Variants in HADHB observed in about 807,000 individuals in gnomAD.
The protein encoded by HADHB is hydroxyacyl-CoA dehydrogenase trifunctional multienzyme complex subunit beta, also known as trifunctional enzyme subunit beta, mitochondrial.
HADHB carries 50 observed loss-of-function variants against 61.9 expected under a neutral mutation model. The observed-to-expected ratio is 0.81, with a 90% CI of 0.64 to 1.02. The LOEUF is 1.02. Among genes scored for constraint, HADHB ranks in the 50% least tolerant of loss-of-function variants. The pLI is 0.00. For missense variants in HADHB, 504 were observed against 586.5 expected, an observed-to-expected ratio of 0.86 and a Z score of 1.45; for synonymous variants, 191 against 201.6, an observed-to-expected ratio of 0.95 and a Z score of 0.45.
intron 15 of HADHB, among the ~76,000 whole-genome samples, 168 bp downstream of exon 15, chr2:26,285,739 G>GTTTTTTTTTTTTTTTTTTTTTTTTTTGT (rs766742523): frequency 1.5e-5 from 1 of 65,082 alleles, no homozygotes. Flanking sequence ...TGTTTTTTGG[G>GTTTTTTTTTTTTTTTTTTTTTTTTTTGT]TTTTTTTTTT....
chr2:26,285,938 A>G (rs1673017708), intron 15 of HADHB, among the ~76,000 whole-genome samples: 1 of 151,592 alleles, frequency 6.6e-6, no homozygotes, highest in Non-Finnish European at 1.5e-5. Flanking sequence ...GAGTTTCGCC[A>G]TGTTGGCCAG....
intron 8 of HADHB, 32 bp downstream of exon 8, chr2:26,278,833 C>T: frequency 6.4e-7 from 1 of 1,569,594 alleles, no homozygotes; most frequent in Non-Finnish European, 8.8e-7. Flanking sequence ...CATCCCACTG[C>T]AGAGATTTAG....
At chr2:26,259,909 T>C in intron 3 of HADHB, among the ~76,000 whole-genome samples, 1 of 152,128 alleles carries the variant, frequency 6.6e-6, no homozygotes, top group Non-Finnish European at 1.5e-5. Context: ...GCAAGGAGGC[T>C]GACCTGAGCA....
At chr2:26,283,428 G>T (rs1574667878) in intron 12 of HADHB, among the ~76,000 whole-genome samples, 1 of 152,184 alleles carries the variant, frequency 6.6e-6, no homozygotes, top group Non-Finnish European at 1.5e-5. Context: ...GGAGGTTTTG[G>T]CAAGAGAATG....
chr2:26,276,354 T>C (rs1037516175), intron 6 of HADHB, among the ~76,000 whole-genome samples: 2 of 152,238 alleles, frequency 1.3e-5, no homozygotes, highest in African/African-American at 4.8e-5. Flanking sequence ...CTGACCCTTA[T>C]TTGTTCACAG....
intron 6 of HADHB, 77 bp downstream of exon 6, chr2:26,273,827 T>C: frequency 1.3e-6 from 1 of 799,280 alleles, no homozygotes; most frequent in East Asian, 2.6e-5. Context: ...GAAGTTACTT[T>C]ACAAAAGCCT....
intron 15 of HADHB, among the ~76,000 whole-genome samples, chr2:26,288,694 G>C (rs931244262): frequency 6.6e-6 from 1 of 151,566 alleles, no homozygotes; most frequent in Non-Finnish European, 1.5e-5. Flanking sequence ...GGGTGACAGA[G>C]GGAGGCCCTG....
At chr2:26,265,528 G>C (rs778657466) in intron 4 of HADHB, among the ~76,000 whole-genome samples, 1 of 152,070 alleles carries the variant, frequency 6.6e-6, no homozygotes, top group African/African-American at 2.4e-5. Context: ...CCTGGGAGGT[G>C]GAGGTTGTGA....
intron 15 of HADHB, among the ~76,000 whole-genome samples, chr2:26,288,373 C>T (rs191540353): frequency 4.6e-5 from 7 of 152,186 alleles, no homozygotes; most frequent in Admixed American, 3.9e-4. Flanking sequence ...TCAGTCAAAC[C>T]TTCCTATCCC....
At chr2:26,249,150 T>G (rs1290317943) in intron 1 of HADHB, among the ~76,000 whole-genome samples, 1 of 152,212 alleles carries the variant, frequency 6.6e-6, no homozygotes, top group African/African-American at 2.4e-5. Context: ...GTGAATGGCT[T>G]GTTTTCTCAT....
In HADHB at chr2:26,283,023, C is replaced by T. The variant is rs1345919957; in HGVS notation, c.1033C>T (p.Gln345Ter). 3.1e-6 allele frequency: 5 copies of T among 1,609,356 alleles called. No homozygotes were observed. The highest frequency in any genetic ancestry group is 2.6e-6 in the Non-Finnish European group (3 of 1,175,788). ...AYLRDFMYVS[Q>*]DPKDQLLLGP... ...ACCTAGGGATTTTATGTATGTGTCT[C>T]AGGATCCAAAAGATCAACTATTACT... The change falls in exon 12 of 16, where the codon CAG becomes TAG. Residue 345 changes from glutamine to a stop codon, truncating the protein, a stop_gained. Transcript: ENST00000317799. LOFTEE classifies it high-confidence loss of function.
intron 4 of HADHB, among the ~76,000 whole-genome samples, chr2:26,267,902 G>A (rs1672163822): frequency 6.6e-6 from 1 of 152,150 alleles, no homozygotes; most frequent in South Asian, 2.1e-4. Context: ...CACTTTGGGA[G>A]GCTGAGGTAG....
At chr2:26,286,664 G>C (rs941612207) in intron 15 of HADHB, among the ~76,000 whole-genome samples, 2 of 151,638 alleles carry the variant, frequency 1.3e-5, no homozygotes, top group Admixed American at 1.3e-4. Context: ...CACCAAGCCC[G>C]GGCAATTTTT....
At position 26,263,577 on chromosome 2, in the gene HADHB, T is replaced by C; in HGVS notation, c.209+98T>C. 8 of 792,958 alleles carry C rather than the reference T, an allele frequency of 1.0e-5. No homozygotes were observed. The South Asian group carries it at 1.1e-4, about 11-fold the overall frequency. 49.1% of individuals were successfully genotyped at this position (792,958 alleles called of 1,614,324 possible). A position where few individuals can be genotyped will look rare whatever the true frequency, so the allele number is the denominator to read the frequency against. On this transcript the variant is annotated intron_variant, in intron 4 of 15. Transcript: ENST00000317799. ...ACCCAGTAGGTAATAATATTGTTAG[T>C]GGACTAATATTTGGATAGCAGTCCC...
In HADHB at chr2:26,284,909, C is replaced by A. The variant is rs1326579267; in HGVS notation, c.1176C>A (p.Ala392=). 1 of 1,597,338 alleles carries A rather than the reference C, an allele frequency of 6.3e-7. No individual in the cohort carries two copies. The change falls in exon 14 of 16, where the codon GCC becomes GCA. Residue 392 remains alanine, a synonymous_variant. Coordinates refer to ENST00000317799, the MANE Select transcript of HADHB (RefSeq NM_000183.3). Reference sequence around the variant, plus strand: ...GTCAGATTTTGGCAAATTTTAAAGCCATGGATTCTGATTGGTTTGCAGAAA... The same window carrying A: ...GTCAGATTTTGGCAAATTTTAAAGCAATGGATTCTGATTGGTTTGCAGAAA... ...FSGQILANFK[A]MDSDWFAENY...
intron 15 of HADHB, among the ~76,000 whole-genome samples, chr2:26,287,484 T>G (rs950869546): frequency 6.6e-6 from 1 of 152,182 alleles, no homozygotes; most frequent in African/African-American, 2.4e-5. Context: ...GGGTAATGTC[T>G]GCAGATTTGA....
chr2:26,263,441 G>A lies in HADHB; in HGVS notation c.171G>A (p.Val57=), dbSNP rs201804764. ...AKPNIRNVVV[V]DGVRTPFLLS... ...CCAATATAAGGAATGTTGTGGTGGT[G>A]GATGGTGTTCGCACTCCATTTTTGC... Residue 57 remains valine (V), a synonymous_variant, in exon 4 of 16, where the codon GTG becomes GTA. Transcript: ENST00000317799. The A allele has an allele frequency of 6.8e-5, 109 of 1,612,926 alleles. No homozygotes were observed. The Admixed American group carries it at 7.3e-4, about 11-fold the overall frequency.
chr2:26,259,383 A>G (rs993902996), intron 3 of HADHB, among the ~76,000 whole-genome samples: 1 of 152,200 alleles, frequency 6.6e-6, no homozygotes, highest in Non-Finnish European at 1.5e-5. Context: ...TGGAGCAAAC[A>G]CAATCTGTGG....
chr2:26,263,601 C>A, intron 4 of HADHB, 122 bp downstream of exon 4: 1 of 730,166 alleles, frequency 1.4e-6, no homozygotes, highest in African/African-American at 1.7e-5. Context: ...GATAGCAGTC[C>A]CATGAAATTA....
Sources: allele counts gnomAD v4.1 joint callset (sites outside exome capture counted in the v4.1 genomes callset), GRCh38; gene constraint gnomAD v4.1.1; transcripts MANE v1.5; gene names NCBI Gene and HGNC (gene_info 2026-07-23, HGNC 2026-07-21).